Variants in MRTFA observed in about 807,000 individuals in gnomAD.
MRTFA encodes myocardin related transcription factor A.
MRTFA carries 20 observed loss-of-function variants against 83.5 expected under a neutral mutation model. The ratio of observed to expected loss-of-function variants is 0.24; its 90% CI spans 0.17 to 0.35. The LOEUF is 0.35. Among genes scored for constraint, MRTFA ranks in the 10% least tolerant of loss-of-function variants. The pLI is 1.00. For missense variants in MRTFA, 1,200 were observed against 1,224.7 expected, an observed-to-expected ratio of 0.98 and a Z score of 0.30; for synonymous variants, 659 against 541.2, an observed-to-expected ratio of 1.22 and a Z score of -3.02.
chr22:40,584,812 G>A (rs939949242), intron 2 of MRTFA, among the ~76,000 whole-genome samples: 1 of 151,694 alleles, frequency 6.6e-6, no homozygotes, highest in Non-Finnish European at 1.5e-5. Context: ...GGGAGGCTGA[G>A]GGGGGTGGAT....
At position 40,419,310 on chromosome 22, in the gene MRTFA, G is replaced by A. The variant is rs777107795; in HGVS notation, c.1428C>T (p.Arg476=). Residue 476 remains arginine (R), a synonymous_variant, in exon 12 of 15, where the codon CGC becomes CGT. Transcript: ENST00000355630. ...TGATTTGGTCTTGATAGGCTCGAAG[G>A]CGCTCAATCAGCTCAGTTTTGGTGC... is the stretch of plus-strand genomic sequence containing the variant. The A allele has an allele frequency of 6.2e-7, 1 of 1,613,972 alleles. No homozygotes were observed. The highest frequency in any genetic ancestry group is 8.5e-7 in the Non-Finnish European group (1 of 1,179,994).
Position 40,420,513 on chromosome 22 carries a change from A to C in MRTFA, c.1245T>G (p.Asn415Lys), listed in dbSNP as rs748481140. 1.2e-6 allele frequency: 2 copies of C among 1,613,644 alleles called. No individual in the cohort carries two copies. Among genetic ancestry groups the C allele is most frequent in the Non-Finnish European group, 1.7e-6 (2 of 1,180,012 alleles). ...CAGGGGCGCCCGAGCTGGAGCTGCT[A>C]TTGGTAGTGGAGAGGCTGCGTACTG... The change falls in exon 11 of 15, where the codon AAT (asparagine) becomes AAG (lysine). Residue 415 changes from asparagine to lysine, a missense_variant. By Grantham distance (94) the Asn-to-Lys change is moderately conservative. Around this residue, in one of 2 missense-constraint regions of MRTFA, gnomAD observed 1,107 missense variants for 1,041.8 expected, o/e 1.06. Transcript: ENST00000355630.
chr22:40,490,102 A>T (rs780450272), intron 3 of MRTFA, among the ~76,000 whole-genome samples: 8 of 152,094 alleles, frequency 5.3e-5, no homozygotes, highest in Non-Finnish European at 8.8e-5. Context: ...TGTAACACAG[A>T]TATTTTTAAT....
At chr22:40,553,286 G>C (rs2055470234) in intron 2 of MRTFA, among the ~76,000 whole-genome samples, 1 of 152,174 alleles carries the variant, frequency 6.6e-6, no homozygotes, top group African/African-American at 2.4e-5. Context: ...AAGTAACAAA[G>C]AGCCTAACAT....
chr22:40,592,525 G>A (rs1347497382), intron 2 of MRTFA, among the ~76,000 whole-genome samples: 2 of 138,842 alleles, frequency 1.4e-5, no homozygotes, highest in African/African-American at 5.4e-5. Flanking sequence ...GTCTCACTCT[G>A]TCACCCAGGC....
At chr22:40,633,326 A>G (rs2056660825) in intron 1 of MRTFA, among the ~76,000 whole-genome samples, 1 of 152,210 alleles carries the variant, frequency 6.6e-6, no homozygotes, top group African/African-American at 2.4e-5. Flanking sequence ...CTGCCTTTGA[A>G]GCTGGGAAGA....
chr22:40,560,352 T>C (rs180879430), intron 2 of MRTFA, among the ~76,000 whole-genome samples: 1 of 152,254 alleles, frequency 6.6e-6, no homozygotes, highest in Admixed American at 6.5e-5. Context: ...GATTAGAAAA[T>C]AGACCAGAAG....
Position 40,510,550 on chromosome 22 carries a change from T to C in MRTFA, c.241+41556A>G, listed in dbSNP as rs115738538. Among the ~76,000 whole-genome samples, 668 of 152,296 alleles carry C rather than the reference T, an allele frequency of 4.4e-3. 7 individuals carry two copies. Among genetic ancestry groups the C allele is most frequent in the African/African-American group, 0.015 (644 of 41,550 alleles). On this transcript the variant is annotated intron_variant, in intron 3 of 14. Coordinates refer to ENST00000355630, the MANE Select transcript of MRTFA (RefSeq NM_020831.6). ...ATGCCAGTGATGAAAATATCATGTG[T>C]ACAGTGCTTTACTTCTCAAAGTGCT...
intron 3 of MRTFA, among the ~76,000 whole-genome samples, chr22:40,513,502 A>G (rs775001082): frequency 2.0e-5 from 3 of 151,536 alleles, no homozygotes; most frequent in Non-Finnish European, 4.4e-5. Context: ...TTGGGAGGCT[A>G]AGGCAGGAGA....
At chr22:40,470,410 CAATTTAT>C (rs2053889488) in intron 3 of MRTFA, among the ~76,000 whole-genome samples, 2 of 150,542 alleles carry the variant, frequency 1.3e-5, no homozygotes, top group South Asian at 4.2e-4. Flanking sequence ...TTGAACTAAA[CAATTTAT>C]CAAAATTTCT....
intron 3 of MRTFA, among the ~76,000 whole-genome samples, chr22:40,475,247 T>C (rs4299422): frequency 0.087 from 13,093 of 149,854 alleles, 815 homozygotes; most frequent in East Asian, 0.24. Context: ...GTCTTTAAGA[T>C]ACAAAAGCCA....
At chr22:40,481,692 T>C (rs1407117141) in intron 3 of MRTFA, among the ~76,000 whole-genome samples, 1 of 152,078 alleles carries the variant, frequency 6.6e-6, no homozygotes, top group Admixed American at 6.6e-5. Context: ...CTGGAGAGTA[T>C]TCCAGACATA....
chr22:40,491,295 T>C (rs996285280), intron 3 of MRTFA, among the ~76,000 whole-genome samples: 1 of 152,124 alleles, frequency 6.6e-6, no homozygotes, highest in Non-Finnish European at 1.5e-5. Context: ...TGAGCCATGA[T>C]TGAGCCACTG....
intron 3 of MRTFA, among the ~76,000 whole-genome samples, chr22:40,472,651 A>G (rs1034126293): frequency 6.6e-6 from 1 of 152,204 alleles, no homozygotes; most frequent in Non-Finnish European, 1.5e-5. Context: ...GGAGGTGTCA[A>G]CTCCCATCTC....
chr22:40,578,558 G>A lies in MRTFA; in HGVS notation c.-22+16116C>T, dbSNP rs1390556246. ...AAGGCAGAAGGATCACTTGAGGCCA[G>A]GAGTTCAAGACCAGCATGGGCAATG... On this transcript the variant is annotated intron_variant, in intron 2 of 14. Transcript: ENST00000355630. Among the ~76,000 whole-genome samples the A allele has an allele frequency of 2.0e-5, 3 of 152,120 alleles. No individual in the cohort carries two copies. The East Asian group carries it at 5.8e-4, about 29-fold the overall frequency.
chr22:40,414,847 A>G (rs73887805), intron 14 of MRTFA, among the ~76,000 whole-genome samples: 14,765 of 152,196 alleles, frequency 0.097, 1,272 homozygotes, highest in African/African-American at 0.23. Flanking sequence ...TTAAAAAATG[A>G]TTAGAATGGC....
intron 3 of MRTFA, among the ~76,000 whole-genome samples, chr22:40,540,806 TACAA>T (rs941553317): frequency 7.9e-6 from 1 of 126,132 alleles, no homozygotes; most frequent in Non-Finnish European, 1.7e-5. Context: ...ACCAAAAACA[TACAA>T]ACAAAAAATT....
chr22:40,520,510 G>A (rs888937560), intron 3 of MRTFA, among the ~76,000 whole-genome samples: 7 of 151,954 alleles, frequency 4.6e-5, no homozygotes, highest in Non-Finnish European at 7.4e-5. Context: ...AGGTTCAAGC[G>A]ACTGTTGTGC....
intron 3 of MRTFA, chr22:40,519,656 T>C: frequency 2.5e-6 from 3 of 1,220,158 alleles, no homozygotes; most frequent in South Asian, 1.5e-5. Context: ...CAATAGAATG[T>C]TCCATAAACT....
Sources: allele counts gnomAD v4.1 joint callset (sites outside exome capture counted in the v4.1 genomes callset), GRCh38; gene constraint gnomAD v4.1.1; regional missense constraint gnomAD v4.1.1; transcripts MANE v1.5; gene names NCBI Gene and HGNC (gene_info 2026-07-23, HGNC 2026-07-21).